ATAD1: variants seen among roughly 807,000 people sequenced by gnomAD.
ATAD1 encodes ATPase family AAA domain containing 1.
ATAD1 carries 18 observed loss-of-function variants against 42.7 expected under a neutral mutation model. The observed-to-expected ratio is 0.42, with a 90% CI of 0.29 to 0.63. ATAD1 has a LOEUF of 0.63. ATAD1 is among the 20% of genes least tolerant of loss of function. The pLI is 0.19. For synonymous variants in ATAD1, 132 were observed against 143.1 expected (o/e 0.92, Z 0.55); for missense variants, 294 against 440.4 (o/e 0.67, Z 2.98).
intron 2 of ATAD1, among the ~76,000 whole-genome samples, chr10:87,807,226 T>C (rs887874484): frequency 6.6e-6 from 1 of 152,212 alleles, no homozygotes; most frequent in Non-Finnish European, 1.5e-5. Context: ...TATACAAATA[T>C]TCAGATTGGT....
intron 1 of ATAD1, chr10:87,817,694 T>C (rs1380453072): frequency 4.1e-6 from 4 of 979,298 alleles, no homozygotes; most frequent in Non-Finnish European, 4.9e-6. Flanking sequence ...AGAGGGCAGG[T>C]TATTATTAAC....
At chr10:87,807,751 T>A (rs1856991109) in intron 2 of ATAD1, among the ~76,000 whole-genome samples, 1 of 152,168 alleles carries the variant, frequency 6.6e-6, no homozygotes, top group Admixed American at 6.5e-5. Context: ...TATATTTAAT[T>A]TCAATAGCAA....
At chr10:87,798,653 T>TGTGTGTGTGTGTGTGTGC (rs1856531275) in intron 2 of ATAD1, among the ~76,000 whole-genome samples, 1 of 151,332 alleles carries the variant, frequency 6.6e-6, no homozygotes, top group Non-Finnish European at 1.5e-5. Context: ...TGTGTGTGTG[T>TGTGTGTGTGTGTGTGTGC]GTATTTAAAA....
chr10:87,790,494 C>T (rs779709551), intron 3 of ATAD1, 64 bp from the exon 4 acceptor site: 9 of 1,464,978 alleles, frequency 6.1e-6, no homozygotes, highest in South Asian at 5.8e-5. Flanking sequence ...GTAAAAAGAA[C>T]GCTCCCAAAA....
rs371960993 is a variant in ATAD1 at position 87,799,451 on chromosome 10, GT to G, written c.163-6697del. ...GTAAGGTTTGTTTTGGGAAAAGGCTGTTATTGCCTTTGTTTCAAAGCTAAAC... is the reference window on the plus strand; with the variant it reads ...GTAAGGTTTGTTTTGGGAAAAGGCTGTATTGCCTTTGTTTCAAAGCTAAAC... On this transcript the variant is annotated intron_variant, in intron 2 of 9. Coordinates refer to ENST00000680024, the MANE Select transcript of ATAD1 (RefSeq NM_001321967.2). 3.2e-3 allele frequency among the ~76,000 whole-genome samples: 490 copies of G among 152,284 alleles called. 6 individuals carry two copies. The Middle Eastern group carries it at 0.078, about 24-fold the overall frequency.
intron 1 of ATAD1, among the ~76,000 whole-genome samples, chr10:87,823,959 T>A (rs11202575): frequency 0.21 from 31,223 of 152,066 alleles, 3,563 homozygotes; most frequent in East Asian, 0.36. Flanking sequence ...ACAAGAATAA[T>A]TTGAGGTCTT....
At chr10:87,774,972 C>T (rs1366337273) in intron 6 of ATAD1, among the ~76,000 whole-genome samples, 2 of 151,894 alleles carry the variant, frequency 1.3e-5, no homozygotes, top group Non-Finnish European at 2.9e-5. Flanking sequence ...CAAAACAAAA[C>T]ATGAAATAGA....
chr10:87,824,177 G>A (rs1857683018), intron 1 of ATAD1, among the ~76,000 whole-genome samples: 1 of 152,054 alleles, frequency 6.6e-6, no homozygotes, highest in Admixed American at 6.6e-5. Flanking sequence ...GAGAAAAGAG[G>A]ATGCCTAGGA....
chr10:87,767,045 AAAC>A (rs1317834348), intron 8 of ATAD1, among the ~76,000 whole-genome samples: 7 of 152,222 alleles, frequency 4.6e-5, no homozygotes, highest in South Asian at 2.1e-4. Context: ...ATTAAGTAAA[AAAC>A]AACGACAAAA....
At chr10:87,815,610 C>A (rs930517521) in intron 1 of ATAD1, among the ~76,000 whole-genome samples, 18 of 152,046 alleles carry the variant, frequency 1.2e-4, no homozygotes, top group African/African-American at 4.3e-4. Context: ...AGATTAATAT[C>A]CATGGTCCTT....
At chr10:87,811,866 T>C (rs1857199656) in intron 2 of ATAD1, among the ~76,000 whole-genome samples, 1 of 152,192 alleles carries the variant, frequency 6.6e-6, no homozygotes, top group South Asian at 2.1e-4. Flanking sequence ...AAACCCAACA[T>C]GGCCAGATCA....
At chr10:87,773,599 T>A (rs754741561) in intron 6 of ATAD1, among the ~76,000 whole-genome samples, 43 of 152,196 alleles carry the variant, frequency 2.8e-4, no homozygotes, top group Non-Finnish European at 6.0e-4. Context: ...GGCAGCAGCA[T>A]TTGCTCTCTC....
chr10:87,784,713 G>T, intron 4 of ATAD1, 43 bp from the exon 5 acceptor site: 1 of 1,551,280 alleles, frequency 6.4e-7, no homozygotes, highest in Non-Finnish European at 8.8e-7. Flanking sequence ...GGGGATATTT[G>T]CTTCAATTTA....
intron 1 of ATAD1, among the ~76,000 whole-genome samples, chr10:87,833,814 G>A (rs1295685053): frequency 3.0e-5 from 4 of 133,472 alleles, no homozygotes; most frequent in South Asian, 2.5e-4. Flanking sequence ...TGCCACCTCC[G>A]CCTCCTAGGT....
intron 2 of ATAD1, among the ~76,000 whole-genome samples, chr10:87,795,455 T>C (rs1856336841): frequency 1.6e-5 from 2 of 124,178 alleles, no homozygotes; most frequent in Non-Finnish European, 3.2e-5. Flanking sequence ...CTGATCACCA[T>C]GGTTTGCTTG....
At chr10:87,824,435 T>A (rs564226657) in intron 1 of ATAD1, among the ~76,000 whole-genome samples, 2 of 152,302 alleles carry the variant, frequency 1.3e-5, no homozygotes, top group South Asian at 4.1e-4. Flanking sequence ...ACTGACTCTG[T>A]TAATTTGGAC....
intron 2 of ATAD1, among the ~76,000 whole-genome samples, chr10:87,805,617 C>T (rs994897830): frequency 6.6e-6 from 1 of 152,084 alleles, no homozygotes; most frequent in Admixed American, 6.6e-5. Context: ...AATCTCTCCC[C>T]TTCATGCTAC....
At chr10:87,781,081 AG>A (rs1198108873) in intron 5 of ATAD1, among the ~76,000 whole-genome samples, 1 of 152,220 alleles carries the variant, frequency 6.6e-6, no homozygotes, top group Non-Finnish European at 1.5e-5. Context: ...AGCTGAGGAC[AG>A]AAAAAGTACT....
intron 1 of ATAD1, among the ~76,000 whole-genome samples, chr10:87,831,266 T>C (rs1857823523): frequency 7.2e-6 from 1 of 139,714 alleles, no homozygotes; most frequent in Admixed American, 7.4e-5. Flanking sequence ...TCTGGTGACA[T>C]AGGATTCACT....
Sources: gnomAD v4.1 joint callset for allele counts (sites outside exome capture counted in the v4.1 genomes callset) on GRCh38, gnomAD v4.1.1 for gene constraint, MANE v1.5 for transcripts, NCBI Gene and HGNC (gene_info 2026-07-23, HGNC 2026-07-21) for gene names.